WWOX: variants seen among roughly 807,000 people sequenced by gnomAD.
The protein encoded by WWOX is WW domain-containing oxidoreductase.
Under a neutral mutation model 46.2 loss-of-function variants are expected in WWOX, and 69 were observed. That is an observed-to-expected ratio of 1.49 (90% CI 1.23 to 1.82). The LOEUF is 1.82. Among genes scored for constraint, WWOX ranks in the 40% most tolerant of loss-of-function variants. The pLI, the probability that WWOX is intolerant of heterozygous loss-of-function variation, is 0.00. For synonymous variants in WWOX, 359 were observed against 202.6 expected (o/e 1.77, Z -6.56); for missense variants, 919 against 542.6 (o/e 1.69, Z -6.89).
intron 8 of WWOX, among the ~76,000 whole-genome samples, chr16:78,694,619 G>GCAA (rs1475019693): frequency 2.6e-5 from 4 of 152,172 alleles, no homozygotes; most frequent in African/African-American, 9.7e-5. Context: ...ACATTAACCA[G>GCAA]CAAAGGCATT....
At chr16:79,137,585 T>A (rs2050007021) in intron 8 of WWOX, among the ~76,000 whole-genome samples, 1 of 152,198 alleles carries the variant, frequency 6.6e-6, no homozygotes, top group Admixed American at 6.5e-5. Context: ...GTTAGCTGTT[T>A]GTTTTGAACA....
intron 8 of WWOX, among the ~76,000 whole-genome samples, chr16:79,195,100 C>T (rs1157945421): frequency 3.3e-5 from 5 of 152,080 alleles, no homozygotes; most frequent in African/African-American, 4.8e-5. Flanking sequence ...ACCCGTATCT[C>T]AGATTTACAG....
At chr16:78,705,209 T>C (rs372184305) in intron 8 of WWOX, among the ~76,000 whole-genome samples, 14 of 152,220 alleles carry the variant, frequency 9.2e-5, no homozygotes, top group East Asian at 7.7e-4. Context: ...TGACGGCCGC[T>C]AAAAATGTAT....
intron 8 of WWOX, among the ~76,000 whole-genome samples, chr16:78,889,072 C>G (rs1185539393): frequency 2.0e-5 from 3 of 152,130 alleles, no homozygotes; most frequent in Non-Finnish European, 2.9e-5. Context: ...AGATGTCTCT[C>G]TTTGAATTCA....
intron 8 of WWOX, among the ~76,000 whole-genome samples, chr16:78,635,799 G>C (rs2046553023): frequency 6.6e-6 from 1 of 152,194 alleles, no homozygotes; most frequent in African/African-American, 2.4e-5. Flanking sequence ...TGGAAAAACA[G>C]CTAGTGGAAG....
rs149807183 is a variant in WWOX at position 78,853,534 on chromosome 16, C to T, written c.1057-358074C>T. On this transcript the variant is annotated intron_variant, in intron 8 of 8. Coordinates refer to ENST00000566780, the MANE Select transcript of WWOX (RefSeq NM_016373.4). ...TCCATAACCCGGTGTGCTAAAACCC[C>T]CTCACTGCTCTCCATTACTCATGAA... Among the ~76,000 whole-genome samples, 221 of 152,266 alleles carry T rather than the reference C, an allele frequency of 1.5e-3. 3 individuals are homozygous for T. The highest frequency in any genetic ancestry group is 5.1e-3 in the African/African-American group (213 of 41,540).
rs529553642 is a variant in WWOX at position 79,156,519 on chromosome 16, C to A, written c.1057-55089C>A. Among the ~76,000 whole-genome samples the A allele has an allele frequency of 1.6e-4, 25 of 152,152 alleles. No individual in the cohort carries two copies. The South Asian group carries it at 5.0e-3, about 30-fold the overall frequency. ...ACAGGTGGGTTCAAATTTGCCACAC[C>A]AAGTAGAAGGTGTTGGAAGGAAAAT... is the stretch of plus-strand genomic sequence containing the variant. On this transcript the variant is annotated intron_variant, in intron 8 of 8. Coordinates refer to ENST00000566780, the MANE Select transcript of WWOX (RefSeq NM_016373.4).
intron 8 of WWOX, among the ~76,000 whole-genome samples, chr16:78,622,991 C>T (rs1349175005): frequency 1.3e-5 from 2 of 151,976 alleles, no homozygotes; most frequent in Non-Finnish European, 2.9e-5. Flanking sequence ...CTAAGGAAGC[C>T]AGCAAGAAAA....
At chr16:78,765,509 T>C (rs2049905926) in intron 8 of WWOX, among the ~76,000 whole-genome samples, 1 of 152,038 alleles carries the variant, frequency 6.6e-6, no homozygotes, top group South Asian at 2.1e-4. Flanking sequence ...TGAAACCCCA[T>C]CTCTACTAAA....
chr16:79,188,263 C>A (rs963174002), intron 8 of WWOX, among the ~76,000 whole-genome samples: 1 of 152,138 alleles, frequency 6.6e-6, no homozygotes, highest in South Asian at 2.1e-4. Context: ...CCTCTGTACC[C>A]AAAAGGAAAT....
intron 8 of WWOX, among the ~76,000 whole-genome samples, chr16:79,200,073 C>T (rs1465213803): frequency 6.6e-6 from 1 of 152,170 alleles, no homozygotes; most frequent in Non-Finnish European, 1.5e-5. Context: ...GCCCTGCCAG[C>T]CTTCAGGACC....
intron 8 of WWOX, among the ~76,000 whole-genome samples, chr16:78,464,780 ACT>A (rs1283773750): frequency 6.6e-6 from 1 of 152,088 alleles, no homozygotes; most frequent in Non-Finnish European, 1.5e-5. Context: ...GGCCACTGCA[ACT>A]CTCTGTTCTG....
At chr16:79,113,489 C>G (rs1459707743) in intron 8 of WWOX, among the ~76,000 whole-genome samples, 1 of 152,234 alleles carries the variant, frequency 6.6e-6, no homozygotes. Flanking sequence ...TAGGGACATG[C>G]TAATACAATT....
rs1470403789 is a variant in WWOX, at chr16:78,424,868, A to T, written c.606-2A>T. 6.2e-7 allele frequency: 1 copy of T among 1,614,078 alleles called. No homozygotes were observed. Among genetic ancestry groups the T allele is most frequent in the South Asian group, 1.1e-5 (1 of 91,076 alleles). ...CATCACATGGGATATTTTATTTTTC[A>T]GGCCTCTTCATGTGCTTGTGTGCAA... On this transcript the variant is annotated splice_acceptor_variant, in intron 6 of 8. Coordinates refer to ENST00000566780, the MANE Select transcript of WWOX (RefSeq NM_016373.4). LOFTEE classifies it high-confidence loss of function.
chr16:78,902,517 G>A (rs899187902), intron 8 of WWOX, among the ~76,000 whole-genome samples: 3 of 152,222 alleles, frequency 2.0e-5, no homozygotes, highest in Non-Finnish European at 4.4e-5. Flanking sequence ...GTTAGACTGC[G>A]GCTTTCCAGG....
At chr16:78,108,075 C>T (rs977585535) in intron 1 of WWOX, among the ~76,000 whole-genome samples, 14 of 151,814 alleles carry the variant, frequency 9.2e-5, no homozygotes, top group South Asian at 2.1e-4. Flanking sequence ...ACTACAGGCA[C>T]GTGCCACTGT....
At chr16:78,527,991 C>CTTTTTTTTTTTTTTTTGTTTTT (rs2043519524) in intron 8 of WWOX, among the ~76,000 whole-genome samples, 1 of 34,880 alleles carries the variant, frequency 2.9e-5, no homozygotes, top group African/African-American at 1.0e-4. Context: ...GGTACATGTC[C>CTTTTTTTTTTTTTTTTGTTTTT]TTTTTTTTTT....
chr16:79,060,750 A>G (rs770645780), intron 8 of WWOX, among the ~76,000 whole-genome samples: 1 of 152,222 alleles, frequency 6.6e-6, no homozygotes, highest in South Asian at 2.1e-4. Flanking sequence ...GCTTTAGTCC[A>G]TATTCTCTGT....
chr16:78,213,250 C>CAAAA (rs3041524), intron 5 of WWOX, among the ~76,000 whole-genome samples: 7 of 97,066 alleles, frequency 7.2e-5, no homozygotes, highest in African/African-American at 1.9e-4. Flanking sequence ...GACTGTATCT[C>CAAAA]AAAAAAAAAA....
Sources: gnomAD v4.1 joint callset for allele counts (sites outside exome capture counted in the v4.1 genomes callset) on GRCh38, gnomAD v4.1.1 for gene constraint, MANE v1.5 for transcripts, NCBI Gene and HGNC (gene_info 2026-07-23, HGNC 2026-07-21) for gene names.